C2orf78: variants seen among roughly 807,000 people sequenced by gnomAD.
C2orf78 encodes the protein chromosome 2 open reading frame 78.
Under a neutral mutation model 21.4 loss-of-function variants are expected in C2orf78, and 12 were observed. That is an observed-to-expected ratio of 0.56 (90% confidence interval 0.36 to 0.91). C2orf78 has a LOEUF of 0.91. Ranked by LOEUF, C2orf78 falls within the 40% of genes least tolerant of loss-of-function variation. The probability of loss-of-function intolerance (pLI) is 0.01; values close to 1 mark genes in which losing one functional copy is unlikely to be tolerated. For synonymous variants in C2orf78, 396 were observed against 413.9 expected, an observed-to-expected ratio of 0.96 and a Z score of 0.52; for missense variants, 1,042 against 1,092.4, an observed-to-expected ratio of 0.95 and a Z score of 0.65.
exon 2 of C2orf78, chr2:73,814,219 T>G: frequency 6.4e-7 from 1 of 1,570,198 alleles, no homozygotes; most frequent in Non-Finnish European, 8.7e-7. Context: ...CAGAAACCAG[T>G]GTTCAAGGTG....
chr2:73,815,076 G>T lies in C2orf78; in HGVS notation c.853G>T (p.Glu285Ter). The change falls in exon 3 of 3, where the codon GAA becomes TAA. Residue 285 changes from glutamate to a stop codon, truncating the protein, a stop_gained. Transcript: ENST00000409561. LOFTEE classifies it low-confidence loss of function (END_TRUNC). ...CTTCCTTGATTCCTTTGTAGTGATG[G>T]AAACTTCCCTGGGGATGGATACTTC... 6.2e-7 allele frequency: 1 copy of T among 1,609,040 alleles called. No individual in the cohort carries two copies. Among genetic ancestry groups the T allele is most frequent in the Non-Finnish European group, 8.5e-7 (1 of 1,177,190 alleles).
intron 1 of C2orf78, chr2:73,808,754 C>T (rs1673009858): frequency 1.3e-6 from 2 of 1,518,026 alleles, no homozygotes; most frequent in Admixed American, 4.0e-5. Context: ...TGTATCATCA[C>T]AAGGGGCCAG....
Position 73,815,902 on chromosome 2 carries a change from G to A in C2orf78, c.1679G>A (p.Ser560Asn), listed in dbSNP as rs1471430003. The A allele has an allele frequency of 3.1e-6, 5 of 1,613,404 alleles. No individual in the cohort carries two copies. The East Asian group carries it at 1.1e-4, about 36-fold the overall frequency. The change falls in exon 3 of 3, where the codon AGC becomes AAC. Residue 560 changes from serine to asparagine, a missense_variant. Physicochemically the swap from Ser to Asn is conservative, Grantham distance 46. Around this residue, in one of 2 missense-constraint regions of C2orf78, gnomAD observed 1,039 missense variants for 1,069.7 expected, o/e 0.97. Coordinates refer to ENST00000409561, the Ensembl canonical transcript of C2orf78. ...AACAAACCTCACAAGGCTGCATCCAGCAGGATCAGCAAAACTAAGAGCCAT... is the reference window on the plus strand; with the variant it reads ...AACAAACCTCACAAGGCTGCATCCAACAGGATCAGCAAAACTAAGAGCCAT...
chr2:73,812,327 G>T (rs1244145920), intron 1 of C2orf78, among the ~76,000 whole-genome samples: 1 of 152,044 alleles, frequency 6.6e-6, no homozygotes, highest in Non-Finnish European at 1.5e-5. Context: ...TTAGTTCCAT[G>T]ATTTTATGTT....
At chr2:73,785,645 A>G (rs1252874377) in intron 1 of C2orf78, among the ~76,000 whole-genome samples, 1 of 152,148 alleles carries the variant, frequency 6.6e-6, no homozygotes, top group Admixed American at 6.5e-5. Flanking sequence ...GCTACATTAC[A>G]TATCCCTAGG....
At chr2:73,784,813 C>G (rs1414127234) in intron 1 of C2orf78, among the ~76,000 whole-genome samples, 1 of 151,430 alleles carries the variant, frequency 6.6e-6, no homozygotes, top group Admixed American at 6.6e-5. Flanking sequence ...TAATAGCCTC[C>G]CTCCACTAAT....
At chr2:73,813,790 G>A in exon 2 of C2orf78, 1 of 1,614,028 alleles carries the variant, frequency 6.2e-7, no homozygotes, top group Non-Finnish European at 8.5e-7. Flanking sequence ...GCACAGTAAA[G>A]AAGTCATCCT....
At chr2:73,808,368 A>G (rs1238894138) in intron 1 of C2orf78, among the ~76,000 whole-genome samples, 4 of 151,202 alleles carry the variant, frequency 2.6e-5, no homozygotes, top group Non-Finnish European at 5.9e-5. Context: ...TTTCTCCCCA[A>G]GGATATTGTG....
chr2:73,813,355 T>A, intron 1 of C2orf78, 122 bp from the exon 2 acceptor site: 1 of 1,018,266 alleles, frequency 9.8e-7, no homozygotes, highest in Non-Finnish European at 1.4e-6. Flanking sequence ...TTTTGGTATC[T>A]CAGTGAGTAT....
intron 1 of C2orf78, among the ~76,000 whole-genome samples, chr2:73,810,664 TATATA>T (rs1381739026): frequency 2.2e-4 from 29 of 130,600 alleles, no homozygotes; most frequent in Middle Eastern, 3.8e-3. Context: ...ATCTATAATA[TATATA>T]ATATAATAAA....
At chr2:73,810,768 A>AT (rs1177379960) in intron 1 of C2orf78, among the ~76,000 whole-genome samples, 1 of 128,840 alleles carries the variant, frequency 7.8e-6, no homozygotes, top group East Asian at 2.1e-4. Flanking sequence ...TATATAATAT[A>AT]TATATAAAAT....
At chr2:73,815,044 C>A (rs774661005) in intron 2 of C2orf78, 27 bp from the exon 3 acceptor site, 2 of 1,582,032 alleles carry the variant, frequency 1.3e-6, no homozygotes, top group Non-Finnish European at 1.7e-6. Context: ...TTACCAGGGA[C>A]TGACTTCTTC....
chr2:73,815,457 G>T, exon 3 of C2orf78: 1 of 1,613,884 alleles, frequency 6.2e-7, no homozygotes, highest in Non-Finnish European at 8.5e-7. Context: ...GGAGCAGCCT[G>T]GTTCTGAAAA....
chr2:73,811,774 T>C (rs1419563449), intron 1 of C2orf78, among the ~76,000 whole-genome samples: 1 of 152,112 alleles, frequency 6.6e-6, no homozygotes, highest in Non-Finnish European at 1.5e-5. Context: ...ATAATCTAGG[T>C]TTTGAGGATA....
chr2:73,810,616 A>G (rs1249032679), intron 1 of C2orf78, among the ~76,000 whole-genome samples: 12 of 137,766 alleles, frequency 8.7e-5, no homozygotes, highest in Non-Finnish European at 1.4e-4. Flanking sequence ...TATATTTTAT[A>G]TATATACATA....
At chr2:73,809,758 T>C (rs1673035886) in intron 1 of C2orf78, among the ~76,000 whole-genome samples, 1 of 152,194 alleles carries the variant, frequency 6.6e-6, no homozygotes, top group Non-Finnish European at 1.5e-5. Flanking sequence ...GACTTCAGCC[T>C]GAGTGACAAA....
At chr2:73,813,854 A>T in exon 2 of C2orf78, 1 of 1,614,008 alleles carries the variant, frequency 6.2e-7, no homozygotes, top group Non-Finnish European at 8.5e-7. Flanking sequence ...TGTCTCTTCC[A>T]TGTCTATGAC....
intron 1 of C2orf78, among the ~76,000 whole-genome samples, chr2:73,812,493 C>G (rs950085858): frequency 2.0e-5 from 3 of 152,078 alleles, no homozygotes; most frequent in African/African-American, 7.2e-5. Context: ...GTTTAACTAG[C>G]TTTTTTCTTT....
chr2:73,816,588 G>A, exon 3 of C2orf78: 2 of 1,613,096 alleles, frequency 1.2e-6, no homozygotes, highest in Non-Finnish European at 1.7e-6. Flanking sequence ...GCCAATTTCA[G>A]CCAAAGCAAC....
Sources: allele counts gnomAD v4.1 joint callset (sites outside exome capture counted in the v4.1 genomes callset), GRCh38; gene constraint gnomAD v4.1.1; regional missense constraint gnomAD v4.1.1; transcripts MANE v1.5; gene names NCBI Gene and HGNC (gene_info 2026-07-23, HGNC 2026-07-21).